The following SLC39A11 variants were observed in gnomAD, a reference collection of about 807,000 sequenced individuals.
The protein encoded by SLC39A11 is zinc transporter ZIP11.
In SLC39A11, 33 loss-of-function variants were observed where a neutral mutation model predicts 36.1. The observed-to-expected ratio is 0.91, with a 90% CI of 0.69 to 1.22. The LOEUF (loss-of-function observed/expected upper bound fraction) is 1.22, where lower values mean the gene tolerates loss of function less well. Among genes scored for constraint, SLC39A11 ranks in the 50% most tolerant of loss-of-function variants. The pLI, the probability that SLC39A11 is intolerant of heterozygous loss-of-function variation, is 0.00. For synonymous variants in SLC39A11, 166 were observed against 170.3 expected (o/e 0.97, Z 0.20); for missense variants, 432 against 430.3 (o/e 1.00, Z -0.03).
At chr17:72,882,804 T>TTTTTTCTTTTTCTTTTTC (rs1385682276) in intron 5 of SLC39A11, among the ~76,000 whole-genome samples, 2 of 147,596 alleles carry the variant, frequency 1.4e-5, no homozygotes, top group South Asian at 4.3e-4. Flanking sequence ...CTTCTTTTTT[T>TTTTTTCTTTTTCTTTTTC]TTTTTTTTTT....
At chr17:72,929,969 T>C (rs1362498978) in intron 5 of SLC39A11, among the ~76,000 whole-genome samples, 1 of 152,186 alleles carries the variant, frequency 6.6e-6, no homozygotes, top group Non-Finnish European at 1.5e-5. Context: ...TGCGAGGATA[T>C]TAAATGGGGA....
At chr17:72,656,615 A>G (rs2143946586) in intron 7 of SLC39A11, among the ~76,000 whole-genome samples, 1 of 152,174 alleles carries the variant, frequency 6.6e-6, no homozygotes, top group East Asian at 1.9e-4. Context: ...CAAGGACAAG[A>G]GCAGCCCTGA....
intron 7 of SLC39A11, among the ~76,000 whole-genome samples, chr17:72,729,653 A>G (rs1237227238): frequency 2.0e-5 from 3 of 149,606 alleles, no homozygotes; most frequent in African/African-American, 4.9e-5. Flanking sequence ...TATCTCAGTC[A>G]TATCGGTTTG....
intron 4 of SLC39A11, among the ~76,000 whole-genome samples, chr17:73,021,944 C>A (rs1035992279): frequency 6.6e-6 from 1 of 152,202 alleles, no homozygotes; most frequent in Non-Finnish European, 1.5e-5. Flanking sequence ...CCACGCAGTG[C>A]GTGTGTGTGT....
chr17:72,714,247 T>C (rs937547045), intron 7 of SLC39A11, among the ~76,000 whole-genome samples: 4 of 152,084 alleles, frequency 2.6e-5, no homozygotes, highest in South Asian at 2.1e-4. Flanking sequence ...TCCCAGCTAC[T>C]TGGGAGGCTG....
chr17:72,922,972 AAAAAAAAAAAAAAAAAAAC>A (rs2083770506), intron 5 of SLC39A11, among the ~76,000 whole-genome samples: 1 of 147,678 alleles, frequency 6.8e-6, no homozygotes, highest in Non-Finnish European at 1.5e-5. Context: ...AAAAAAAAAA[AAAAAAAAAAAAAAAAAAAC>A]ACACAGAAAA....
At chr17:72,658,710 G>T (rs552025139) in intron 7 of SLC39A11, among the ~76,000 whole-genome samples, 1 of 152,132 alleles carries the variant, frequency 6.6e-6, no homozygotes, top group Non-Finnish European at 1.5e-5. Flanking sequence ...AACACATCTG[G>T]GTGGGACCCC....
chr17:72,694,511 C>T (rs751627844), intron 7 of SLC39A11, among the ~76,000 whole-genome samples: 16 of 152,326 alleles, frequency 1.1e-4, no homozygotes, highest in Non-Finnish European at 1.9e-4. Context: ...GTCTGCAGGG[C>T]GGCTCTGTGG....
At chr17:72,835,328 CCA>C (rs2078479634) in intron 6 of SLC39A11, among the ~76,000 whole-genome samples, 1 of 152,188 alleles carries the variant, frequency 6.6e-6, no homozygotes, top group African/African-American at 2.4e-5. Flanking sequence ...ACCTCCACAA[CCA>C]GAACCAGACA....
At chr17:72,652,919 T>C (rs570402549) in intron 7 of SLC39A11, among the ~76,000 whole-genome samples, 1 of 152,228 alleles carries the variant, frequency 6.6e-6, no homozygotes, top group African/African-American at 2.4e-5. Context: ...GAGATGTGGA[T>C]TCTTGCTTCT....
intron 6 of SLC39A11, among the ~76,000 whole-genome samples, chr17:72,845,208 T>C (rs965211400): frequency 1.3e-5 from 2 of 152,194 alleles, no homozygotes; most frequent in African/African-American, 2.4e-5. Flanking sequence ...ATACACACCC[T>C]CTTCAAAACT....
chr17:72,758,283 C>G (rs963957071), intron 6 of SLC39A11, among the ~76,000 whole-genome samples: 4 of 152,158 alleles, frequency 2.6e-5, no homozygotes, highest in African/African-American at 9.7e-5. Context: ...AAGACACAGT[C>G]AAGAAGGAGT....
At chr17:72,744,637 G>C (rs1159632715) in intron 6 of SLC39A11, among the ~76,000 whole-genome samples, 1 of 152,114 alleles carries the variant, frequency 6.6e-6, no homozygotes, top group African/African-American at 2.4e-5. Context: ...TTGGTGTCTG[G>C]TGAGGGCTAG....
intron 6 of SLC39A11, among the ~76,000 whole-genome samples, chr17:72,847,150 C>T (rs1053578907): frequency 3.9e-5 from 6 of 152,136 alleles, no homozygotes; most frequent in Non-Finnish European, 7.4e-5. Flanking sequence ...TGCCCGTAAT[C>T]CCAGCACTTT....
intron 7 of SLC39A11, among the ~76,000 whole-genome samples, chr17:72,703,058 C>T (rs1293155898): frequency 1.3e-5 from 2 of 152,012 alleles, no homozygotes; most frequent in Admixed American, 6.6e-5. Flanking sequence ...AGCTCCCTTA[C>T]CGCCCCATCA....
intron 5 of SLC39A11, among the ~76,000 whole-genome samples, chr17:72,869,656 T>C (rs1486932579): frequency 6.6e-6 from 1 of 152,244 alleles, no homozygotes; most frequent in Admixed American, 6.5e-5. Flanking sequence ...CCCAAAGTGC[T>C]GGGATTACAG....
chr17:72,782,294 C>T (rs911013618), intron 6 of SLC39A11, among the ~76,000 whole-genome samples: 6 of 152,206 alleles, frequency 3.9e-5, no homozygotes, highest in Admixed American at 3.9e-4. Flanking sequence ...TCTCCCTCCA[C>T]TGAGAGTCTC....
intron 5 of SLC39A11, among the ~76,000 whole-genome samples, chr17:72,873,130 C>T (rs2080731021): frequency 6.6e-6 from 1 of 151,856 alleles, no homozygotes; most frequent in Non-Finnish European, 1.5e-5. Flanking sequence ...GATCTATAAC[C>T]TCCCCAGTTG....
chr17:73,028,220 G>A (rs1270694842), intron 4 of SLC39A11, among the ~76,000 whole-genome samples: 7 of 152,080 alleles, frequency 4.6e-5, no homozygotes, highest in African/African-American at 1.7e-4. Context: ...TCCCAAGAAG[G>A]GCAAACATCC....
Sources: gnomAD v4.1 joint callset for allele counts (sites outside exome capture counted in the v4.1 genomes callset) on GRCh38, gnomAD v4.1.1 for gene constraint, MANE v1.5 for transcripts, NCBI Gene and HGNC (gene_info 2026-07-23, HGNC 2026-07-21) for gene names.